Variants in CSRP1 observed in about 807,000 individuals in gnomAD.
The protein encoded by CSRP1 is cysteine and glycine-rich protein 1.
A neutral mutation model predicts 25.4 loss-of-function variants in CSRP1; 16 were observed. That is an observed-to-expected ratio of 0.63 (90% confidence interval 0.43 to 0.96). The LOEUF is 0.96. CSRP1 is among the 40% of genes least tolerant of loss of function. The pLI is 0.00. For missense variants in CSRP1, 212 were observed against 243.6 expected, an observed-to-expected ratio of 0.87 and a Z score of 0.86; for synonymous variants, 97 against 95.3, an observed-to-expected ratio of 1.02 and a Z score of -0.10.
intron 1 of CSRP1, among the ~76,000 whole-genome samples, chr1:201,498,156 C>A (rs1282339092): frequency 6.6e-6 from 1 of 152,196 alleles, no homozygotes; most frequent in African/African-American, 2.4e-5. Flanking sequence ...GCCCACGTGG[C>A]CACAGAGCAG....
intron 1 of CSRP1, among the ~76,000 whole-genome samples, chr1:201,500,673 AC>A (rs1664644691): frequency 6.6e-6 from 1 of 152,188 alleles, no homozygotes. Flanking sequence ...CCACAAGAGG[AC>A]CCCTCCAGGT....
intron 4 of CSRP1, chr1:201,486,261 G>T: frequency 1.3e-6 from 1 of 796,546 alleles, no homozygotes; most frequent in Non-Finnish European, 1.5e-6. Flanking sequence ...ACACAGTGAT[G>T]GGACGTTGCA....
At chr1:201,491,430 C>T (rs1047223270) in intron 2 of CSRP1, 5 of 152,162 alleles carry the variant, frequency 3.3e-5, no homozygotes, top group Non-Finnish European at 5.9e-5. Flanking sequence ...GCCTCTGTGT[C>T]CTCATTTGTA....
Position 201,483,759 on chromosome 1 carries a change from G to C in CSRP1, c.*954C>G. On this transcript the variant is annotated 3_prime_UTR_variant, in exon 6 of 6. Transcript: ENST00000340006. ...GAGAAGGGTGGAGTGGAAGAGGCAG[G>C]GTCTTGGGTTAAAGGGAAGATTCTG... 2.2e-6 allele frequency: 1 copy of C among 447,264 alleles called. No individual in the cohort carries two copies. Among genetic ancestry groups the C allele is most frequent in the Non-Finnish European group, 4.1e-6 (1 of 244,480 alleles). The allele number at this position is 447,264 out of a possible 1,614,324, so 27.7% of individuals were successfully genotyped here.
chr1:201,497,358 CAA>C (rs71564149), intron 1 of CSRP1, among the ~76,000 whole-genome samples: 3,100 of 44,042 alleles, frequency 0.07, 71 homozygotes, highest in African/African-American at 0.24. Context: ...GACTCTGTCT[CAA>C]AAAAAAAAAA....
chr1:201,484,319 C>T lies in CSRP1; in HGVS notation c.*394G>A, dbSNP rs989557655. 24 of 508,654 alleles carry T rather than the reference C, an allele frequency of 4.7e-5. No homozygotes were observed. The highest frequency in any genetic ancestry group is 8.1e-5 in the Non-Finnish European group (23 of 283,772). The allele number at this position is 508,654 out of a possible 1,614,324, so 31.5% of individuals were successfully genotyped here. A position where few individuals can be genotyped will look rare whatever the true frequency, so the allele number is the denominator to read the frequency against. ...CCCCCTCCTCATCTTGGTCTTGCTT[C>T]CCTCTCCCTCCAGCCTGTTGCTGCT... On this transcript the variant is annotated 3_prime_UTR_variant, in exon 6 of 6. Coordinates refer to ENST00000340006, the MANE Select transcript of CSRP1 (RefSeq NM_004078.3).
At position 201,496,936 on chromosome 1, in the gene CSRP1, T is replaced by C. The variant is rs541347102; in HGVS notation, c.-1-632A>G. On this transcript the variant is annotated intron_variant, in intron 1 of 5. Coordinates refer to ENST00000340006, the MANE Select transcript of CSRP1 (RefSeq NM_004078.3). The stretch of plus-strand genomic sequence containing the variant: ...TGCTCTCCTTCTTAACTCAGGGTGG[T>C]TGTCATATGGGGGCTCACTTTATAA... Among the ~76,000 whole-genome samples, 4 of 152,284 alleles carry C rather than the reference T, an allele frequency of 2.6e-5. No individual in the cohort carries two copies. In the East Asian group the frequency reaches 5.8e-4, roughly 22 times the overall value.
intron 2 of CSRP1, among the ~76,000 whole-genome samples, chr1:201,493,377 G>C (rs1055263378): frequency 6.6e-6 from 1 of 152,190 alleles, no homozygotes; most frequent in African/African-American, 2.4e-5. Context: ...ATTGAATCAT[G>C]GGGGCAGCTT....
At chr1:201,502,381 C>G (rs1451588509) in intron 1 of CSRP1, among the ~76,000 whole-genome samples, 3 of 152,202 alleles carry the variant, frequency 2.0e-5, no homozygotes, top group African/African-American at 7.2e-5. Flanking sequence ...GCCTCCACGC[C>G]CCAGTGTCCA....
Position 201,488,859 on chromosome 1 carries a change from C to T in CSRP1, c.407G>A (p.Gly136Glu), listed in dbSNP as rs762370757. Residue 136 changes from glycine (G) to glutamate (E), a missense_variant, in exon 4 of 6, where the codon GGG becomes GAG. Physicochemically the swap from Gly to Glu is moderately conservative, Grantham distance 98. Transcript: ENST00000340006. ...CATGCCCAGCAGCCACCTTACCTTC[C>T]CAGCACCAATCACCTTCTCCGCAGC... ...VYAAEKVIGAGKSWHKACFRC... is the reference protein window; with the variant it reads ...VYAAEKVIGAEKSWHKACFRC... The T allele has an allele frequency of 4.3e-6, 7 of 1,613,948 alleles. No individual in the cohort carries two copies. In the South Asian group the frequency reaches 5.5e-5, roughly 13 times the overall value.
chr1:201,494,301 T>G (rs1483123146), intron 2 of CSRP1, among the ~76,000 whole-genome samples: 1 of 152,108 alleles, frequency 6.6e-6, no homozygotes, highest in Non-Finnish European at 1.5e-5. Context: ...GGTCAGTGAT[T>G]AAGCAACATC....
chr1:201,486,617 A>T, intron 4 of CSRP1: 1 of 1,007,306 alleles, frequency 9.9e-7, no homozygotes, highest in Non-Finnish European at 1.2e-6. Flanking sequence ...CAAGCTCTCT[A>T]GGCTGGAGAA....
rs79126229 is a variant in CSRP1 at position 201,493,078 on chromosome 1, G to C, written c.113-2734C>G. ...GGGAGCTGGGTACAGCTCAGAGATG[G>C]GCACATAACCTCAGGGCAGGTTCCC... On this transcript the variant is annotated intron_variant, in intron 2 of 5. Coordinates refer to ENST00000340006, the MANE Select transcript of CSRP1 (RefSeq NM_004078.3). 3.4e-3 allele frequency among the ~76,000 whole-genome samples: 513 copies of C among 152,278 alleles called. 3 individuals are homozygous for C. The highest frequency in any genetic ancestry group is 6.0e-3 in the Non-Finnish European group (410 of 68,022).
intron 1 of CSRP1, among the ~76,000 whole-genome samples, chr1:201,498,174 G>A (rs1664565981): frequency 6.6e-6 from 1 of 152,208 alleles, no homozygotes; most frequent in Non-Finnish European, 1.5e-5. Flanking sequence ...CAGCACGGAA[G>A]GTAACACTAG....
intron 1 of CSRP1, among the ~76,000 whole-genome samples, chr1:201,503,369 A>T (rs1664721139): frequency 6.6e-6 from 1 of 152,214 alleles, no homozygotes; most frequent in Admixed American, 6.5e-5. Context: ...TTTACAAGTT[A>T]AAACACATTA....
rs1571777002 is a variant in CSRP1, at chr1:201,490,319, A to G, written c.138T>C (p.Ser46=). The G allele has an allele frequency of 2.5e-6, 4 of 1,614,176 alleles. No individual in the cohort carries two copies. The highest frequency in any genetic ancestry group is 3.4e-6 in the Non-Finnish European group (4 of 1,180,030). ...LCMVCKKNLD[S]TTVAVHGEEI... ...CCTCACCATGCACGGCCACAGTGGT[A>G]CTGTCCAGATTCTTCTTGCAGACCA... The change falls in exon 3 of 6, where the codon AGT becomes AGC. Residue 46 remains serine (S), a synonymous_variant. Coordinates refer to ENST00000340006, the MANE Select transcript of CSRP1 (RefSeq NM_004078.3).
chr1:201,497,989 G>A (rs1447835584), intron 1 of CSRP1, among the ~76,000 whole-genome samples: 1 of 150,806 alleles, frequency 6.6e-6, no homozygotes, highest in Admixed American at 6.6e-5. Context: ...CAGCCCGGAC[G>A]ACAGAGCAAG....
rs758640559 is a variant in CSRP1, at chr1:201,484,774, T to A, written c.521A>T (p.Asn174Ile). ...AAAACCAAAGCCCTTGGGCCCGAAG[T>A]TTTTAGCATAACATCCTGCAGAGAG... ...EIYCKGCYAK[N>I]FGPKGFGFGQ... The change falls in exon 6 of 6, where the codon AAC becomes ATC. Residue 174 changes from asparagine to isoleucine, a missense_variant. Coordinates refer to ENST00000340006, the MANE Select transcript of CSRP1 (RefSeq NM_004078.3). 3 of 1,610,902 alleles carry A rather than the reference T, an allele frequency of 1.9e-6. No individual in the cohort carries two copies. The highest frequency in any genetic ancestry group is 3.3e-5 in the Admixed American group (2 of 59,778).
At chr1:201,502,831 C>A (rs975411404) in intron 1 of CSRP1, among the ~76,000 whole-genome samples, 11 of 152,116 alleles carry the variant, frequency 7.2e-5, no homozygotes, top group Non-Finnish European at 1.3e-4. Context: ...GCAGAGCTCC[C>A]TACTCTTGGA....
Sources: allele counts gnomAD v4.1 joint callset (sites outside exome capture counted in the v4.1 genomes callset), GRCh38; gene constraint gnomAD v4.1.1; transcripts MANE v1.5; gene names NCBI Gene and HGNC (gene_info 2026-07-23, HGNC 2026-07-21).